ZFAND5: variants seen among roughly 807,000 people sequenced by gnomAD.
ZFAND5 encodes the protein zinc finger AN1-type containing 5.
Under a neutral mutation model 23.6 loss-of-function variants are expected in ZFAND5, and 4 were observed. The ratio of observed to expected loss-of-function variants is 0.17; its 90% CI spans 0.08 to 0.39. The LOEUF (loss-of-function observed/expected upper bound fraction) is 0.39, where lower values mean the gene tolerates loss of function less well. ZFAND5 is among the 10% of genes least tolerant of loss of function. The pLI, the probability that ZFAND5 is intolerant of heterozygous loss-of-function variation, is 1.00. For synonymous variants in ZFAND5, 68 were observed against 80.6 expected (o/e 0.84, Z 0.84); for missense variants, 161 against 253.7 (o/e 0.63, Z 2.48).
At chr9:72,360,537 A>AT (rs1391113679) in intron 3 of ZFAND5, 91 bp downstream of exon 3, 3 of 1,556,040 alleles carry the variant, frequency 1.9e-6, no homozygotes, top group Non-Finnish European at 2.6e-6. Flanking sequence ...TGTTCTCTCC[A>AT]TGTGCTTTCA....
chr9:72,363,355 G>C (rs993032421), intron 2 of ZFAND5, 115 bp downstream of exon 2: 1 of 152,296 alleles, frequency 6.6e-6, no homozygotes. Context: ...AAAAACACCC[G>C]AGTGTAACTG....
In ZFAND5 at chr9:72,363,525, G is replaced by T; in HGVS notation, c.-65C>A. ...AGTCTGCCACTAAGTCAGTGACCTTGGGCAAGTCCTTACTTTCCAGATTTC... is the reference window on the plus strand; with the variant it reads ...AGTCTGCCACTAAGTCAGTGACCTTTGGCAAGTCCTTACTTTCCAGATTTC... On this transcript the variant is annotated 5_prime_UTR_variant, in exon 2 of 7. Transcript: ENST00000376962. 3.0e-6 allele frequency: 2 copies of T among 674,774 alleles called. No individual in the cohort carries two copies. The highest frequency in any genetic ancestry group is 3.7e-6 in the Non-Finnish European group (2 of 545,982). 41.8% of individuals were successfully genotyped at this position (674,774 alleles called of 1,614,324 possible).
Position 72,354,303 on chromosome 9 carries a change from T to C in ZFAND5, c.*1650A>G, listed in dbSNP as rs979931894. On this transcript the variant is annotated 3_prime_UTR_variant, in exon 7 of 7. Coordinates refer to ENST00000376962, the MANE Select transcript of ZFAND5 (RefSeq NM_001102420.3). ...AAAATAAACTGCCTATCAGGTATCATACCTGCAAATGCTTCTAATATCTCT... is the reference window on the plus strand; with the variant it reads ...AAAATAAACTGCCTATCAGGTATCACACCTGCAAATGCTTCTAATATCTCT... The C allele has an allele frequency of 1.3e-5, 2 of 152,182 alleles. No individual in the cohort carries two copies. Among genetic ancestry groups the C allele is most frequent in the African/African-American group, 2.4e-5 (1 of 41,332 alleles). 9.4% of individuals were successfully genotyped at this position (152,182 alleles called of 1,614,324 possible).
chr9:72,359,068 T>C (rs1331706401), intron 5 of ZFAND5, among the ~76,000 whole-genome samples: 1 of 152,156 alleles, frequency 6.6e-6, no homozygotes. Context: ...ACATTGACAA[T>C]ATCAAAACTA....
At chr9:72,360,313 G>C in intron 3 of ZFAND5, 92 bp from the exon 4 acceptor site, 1 of 1,123,740 alleles carries the variant, frequency 8.9e-7, no homozygotes, top group Non-Finnish European at 1.3e-6. Context: ...CATTTAATTA[G>C]GTTAGTGATA....
chr9:72,357,818 T>C (rs1202415458), intron 5 of ZFAND5, among the ~76,000 whole-genome samples: 2 of 152,082 alleles, frequency 1.3e-5, no homozygotes, highest in East Asian at 3.9e-4. Flanking sequence ...CCACCGTTTC[T>C]CCACCTAAAA....
intron 5 of ZFAND5, among the ~76,000 whole-genome samples, chr9:72,357,992 A>T (rs1758678833): frequency 6.6e-6 from 1 of 152,066 alleles, no homozygotes. Flanking sequence ...AACACTATAA[A>T]CTCAGGTTTT....
In ZFAND5 at chr9:72,356,539, T is replaced by C. The variant is rs979627722; in HGVS notation, c.493+392A>G. Among the ~76,000 whole-genome samples, 3 of 152,250 alleles carry C rather than the reference T, an allele frequency of 2.0e-5. No individual in the cohort carries two copies. The East Asian group carries it at 5.8e-4, about 29-fold the overall frequency. ...TTCAAAACACAGTCCTACCATATCT[T>C]AAGTAATGCTTCCTCAAGTGAAAAC... is the stretch of plus-strand genomic sequence containing the variant. On this transcript the variant is annotated intron_variant, in intron 6 of 6. Transcript: ENST00000376962.
intron 6 of ZFAND5, 125 bp downstream of exon 6, chr9:72,356,806 G>T: frequency 8.2e-7 from 1 of 1,221,080 alleles, no homozygotes; most frequent in Non-Finnish European, 1.1e-6. Flanking sequence ...ACCTTTCCTA[G>T]ACTACAGCTA....
At chr9:72,360,519 T>C in intron 3 of ZFAND5, 109 bp downstream of exon 3, 12 of 1,450,580 alleles carry the variant, frequency 8.3e-6, no homozygotes, top group Non-Finnish European at 1.0e-5. Flanking sequence ...TTTCAAGCTC[T>C]TATCAGGTGT....
chr9:72,360,840 A>ATT, intron 2 of ZFAND5, 53 bp from the exon 3 acceptor site: 1 of 1,514,856 alleles, frequency 6.6e-7, no homozygotes, highest in South Asian at 1.3e-5. Flanking sequence ...AATATAGTCT[A>ATT]ATATAATCAT....
intron 1 of ZFAND5, chr9:72,364,474 C>A (rs1399635742): frequency 1.0e-5 from 13 of 1,279,342 alleles, no homozygotes; most frequent in South Asian, 2.5e-5. Flanking sequence ...TGCTGTGGAG[C>A]GAGCCAGGGA....
In ZFAND5 at chr9:72,363,624, G is replaced by A. The variant is rs567439659; in HGVS notation, c.-146-18C>T. Reference sequence around the variant, plus strand: ...TTCAGGGCCTGGGAGATAGAAAACAGGAGACAACTACAAAGAATCCTTAAT... The same window carrying A: ...TTCAGGGCCTGGGAGATAGAAAACAAGAGACAACTACAAAGAATCCTTAAT... On this transcript the variant is annotated intron_variant, in intron 1 of 6. Transcript: ENST00000376962. 1.9e-5 allele frequency: 19 copies of A among 983,316 alleles called. No homozygotes were observed. The East Asian group carries it at 1.7e-3, about 88-fold the overall frequency. 60.9% of individuals were successfully genotyped at this position (983,316 alleles called of 1,614,324 possible). A position where few individuals can be genotyped will look rare whatever the true frequency, so the allele number is the denominator to read the frequency against.
At chr9:72,359,338 GGGAA>G in intron 5 of ZFAND5, 76 bp downstream of exon 5, 1 of 1,385,272 alleles carries the variant, frequency 7.2e-7, no homozygotes, top group Non-Finnish European at 1.0e-6. Flanking sequence ...GTCCTTCAAT[GGGAA>G]GGAAAGAATC....
intron 6 of ZFAND5, 33 bp downstream of exon 6, chr9:72,356,898 G>A: frequency 6.2e-7 from 1 of 1,607,840 alleles, no homozygotes; most frequent in East Asian, 2.2e-5. Flanking sequence ...AACTGCAGAA[G>A]TAAAACATAC....
At chr9:72,359,373 C>T (rs1285600654) in intron 5 of ZFAND5, 45 bp downstream of exon 5, 6 of 1,584,078 alleles carry the variant, frequency 3.8e-6, no homozygotes, top group Non-Finnish European at 5.2e-6. Context: ...CCATTTCTTG[C>T]ACTATCAAAT....
chr9:72,361,206 T>C (rs943617760), intron 2 of ZFAND5, among the ~76,000 whole-genome samples: 4 of 152,236 alleles, frequency 2.6e-5, no homozygotes, highest in Non-Finnish European at 5.9e-5. Flanking sequence ...TATTTATAGG[T>C]AGTTCTTTAA....
rs1237488803 is a variant in ZFAND5 at position 72,364,944 on chromosome 9, CGAG to C, written c.-398_-396del. ...TGGGAGGAGGGAAGCGAGGGGGGGC[CGAG>C]GAGGAGGTGGAGGGAGGACCGGCGG... On this transcript the variant is annotated 5_prime_UTR_variant, in exon 1 of 7. Transcript: ENST00000376962. The C allele has an allele frequency of 1.3e-5, 2 of 153,296 alleles. No individual in the cohort carries two copies. The highest frequency in any genetic ancestry group is 1.5e-5 in the Non-Finnish European group (1 of 68,874). 9.5% of individuals were successfully genotyped at this position (153,296 alleles called of 1,614,324 possible).
At chr9:72,360,063 A>T in intron 4 of ZFAND5, 47 bp downstream of exon 4, 1 of 1,520,328 alleles carries the variant, frequency 6.6e-7, no homozygotes, top group South Asian at 1.2e-5. Context: ...AGACATCTTG[A>T]TTTCTTCTTT....
Sources: allele counts gnomAD v4.1 joint callset (sites outside exome capture counted in the v4.1 genomes callset), GRCh38; gene constraint gnomAD v4.1.1; transcripts MANE v1.5; gene names NCBI Gene and HGNC (gene_info 2026-07-23, HGNC 2026-07-21).